SEMA5A: variants seen among roughly 807,000 people sequenced by gnomAD.
SEMA5A encodes semaphorin-5A.
Under a neutral mutation model 135.5 loss-of-function variants are expected in SEMA5A, and 55 were observed. The observed-to-expected ratio is 0.41, with a 90% CI of 0.33 to 0.51. The LOEUF (loss-of-function observed/expected upper bound fraction) is 0.51, where lower values mean the gene tolerates loss of function less well. Among genes scored for constraint, SEMA5A ranks in the 20% least tolerant of loss-of-function variants. The probability of loss-of-function intolerance (pLI) is 0.37; values close to 1 mark genes in which losing one functional copy is unlikely to be tolerated. For missense variants in SEMA5A, 1,290 were observed against 1,419.9 expected, an observed-to-expected ratio of 0.91 and a Z score of 1.47; for synonymous variants, 580 against 546.5, an observed-to-expected ratio of 1.06 and a Z score of -0.85.
Position 9,122,759 on chromosome 5 carries a change from C to A in SEMA5A, c.1678G>T (p.Val560Leu). ...TPCTHTDGSA[V>L]GSCLCRTRSC... is the part of the protein sequence containing the mutation. ...CGGGTTCGACAGAGGCAGGATCCCA[C>A]GGCGCTGCCATCTGTGTGCGTGCAA... is the stretch of plus-strand genomic sequence containing the variant. The change falls in exon 14 of 23, where the codon GTG (valine) becomes TTG (leucine). Residue 560 changes from valine to leucine, a missense_variant. Transcript: ENST00000382496. 1.2e-6 allele frequency: 2 copies of A among 1,613,598 alleles called. No homozygotes were observed. Among genetic ancestry groups the A allele is most frequent in the Non-Finnish European group, 1.7e-6 (2 of 1,179,882 alleles).
intron 11 of SEMA5A, among the ~76,000 whole-genome samples, chr5:9,170,522 C>G (rs953786202): frequency 6.6e-6 from 1 of 152,038 alleles, no homozygotes; most frequent in Admixed American, 6.6e-5. Flanking sequence ...TAAGTCCCAA[C>G]GTGGTCATAT....
At chr5:9,242,475 T>C (rs934084924) in intron 5 of SEMA5A, among the ~76,000 whole-genome samples, 2 of 152,216 alleles carry the variant, frequency 1.3e-5, no homozygotes, top group Non-Finnish European at 2.9e-5. Context: ...TTTCCGTCCA[T>C]GTCAAATACA....
chr5:9,450,239 A>G (rs528431260), intron 1 of SEMA5A, among the ~76,000 whole-genome samples: 166 of 152,318 alleles, frequency 1.1e-3, no homozygotes, highest in African/African-American at 3.8e-3. Context: ...AGTGGGGAGA[A>G]CGAGGCCAAC....
At chr5:9,253,875 T>G (rs1748924983) in intron 5 of SEMA5A, among the ~76,000 whole-genome samples, 2 of 152,134 alleles carry the variant, frequency 1.3e-5, no homozygotes, top group African/African-American at 4.8e-5. Context: ...GCTTCTATAT[T>G]GCCTTTACAT....
At position 9,141,684 on chromosome 5, in the gene SEMA5A, C is replaced by T. The variant is rs140545308; in HGVS notation, c.1482-5063G>A. Among the ~76,000 whole-genome samples the T allele has an allele frequency of 3.5e-4, 53 of 152,278 alleles. No individual in the cohort carries two copies. In the Middle Eastern group the frequency reaches 0.014, roughly 39 times the overall value. On this transcript the variant is annotated intron_variant, in intron 12 of 22. Transcript: ENST00000382496. Reference sequence around the variant, plus strand: ...CCTTTCCACATGACAATAACATCAACATATATCTAAAGTATTTCTTTACAT... The same window carrying T: ...CCTTTCCACATGACAATAACATCAATATATATCTAAAGTATTTCTTTACAT...
At position 9,189,826 on chromosome 5, in the gene SEMA5A, C is replaced by T. The variant is rs571266097; in HGVS notation, c.1273+441G>A. Among the ~76,000 whole-genome samples the T allele has an allele frequency of 3.3e-5, 5 of 152,340 alleles. No homozygotes were observed. The East Asian group carries it at 9.6e-4, about 29-fold the overall frequency. On this transcript the variant is annotated intron_variant, in intron 11 of 22. Transcript: ENST00000382496. ...TATGCCCCAAAACATATTCTTTGAACACTGCCATGTACCACCATCCACGCA... is the reference window on the plus strand; with the variant it reads ...TATGCCCCAAAACATATTCTTTGAATACTGCCATGTACCACCATCCACGCA...
At chr5:9,511,386 T>G (rs948932142) in intron 1 of SEMA5A, 8 of 152,348 alleles carry the variant, frequency 5.3e-5, no homozygotes, top group African/African-American at 1.9e-4. Flanking sequence ...CAGAGCCTTA[T>G]GTTTTCATCT....
intron 9 of SEMA5A, among the ~76,000 whole-genome samples, chr5:9,197,792 C>T (rs1440376372): frequency 1.4e-5 from 1 of 73,138 alleles, no homozygotes; most frequent in African/African-American, 4.5e-5. Context: ...GTGTTTTAAC[C>T]CAGATATTTG....
chr5:9,294,580 A>C (rs1579295640), intron 5 of SEMA5A, among the ~76,000 whole-genome samples: 1 of 152,280 alleles, frequency 6.6e-6, no homozygotes, highest in African/African-American at 2.4e-5. Flanking sequence ...ACCTTGACGA[A>C]AACTCTCCCT....
intron 1 of SEMA5A, among the ~76,000 whole-genome samples, chr5:9,497,629 G>A (rs1237684778): frequency 6.6e-6 from 1 of 152,182 alleles, no homozygotes; most frequent in African/African-American, 2.4e-5. Flanking sequence ...GATGGTGACA[G>A]TTAATCTTCA....
rs191551778 is a variant in SEMA5A, at chr5:9,040,912, T to C, written c.*1985A>G. 1.1e-4 allele frequency: 17 copies of C among 152,322 alleles called. No homozygotes were observed. In the East Asian group the frequency reaches 3.3e-3, roughly 29 times the overall value. The allele number at this position is 152,322 out of a possible 1,614,324, so 9.4% of individuals were successfully genotyped here. A position where few individuals can be genotyped will look rare whatever the true frequency, so the allele number is the denominator to read the frequency against. On this transcript the variant is annotated 3_prime_UTR_variant, in exon 23 of 23. Coordinates refer to ENST00000382496, the MANE Select transcript of SEMA5A (RefSeq NM_003966.3). The stretch of plus-strand genomic sequence containing the variant: ...ATGTTTTTTTCTTACAAGAAACTGA[T>C]GAGATGAGTTGAAATATCTGATGAT...
intron 3 of SEMA5A, among the ~76,000 whole-genome samples, chr5:9,341,530 C>T (rs1464747074): frequency 7.2e-5 from 11 of 151,804 alleles, no homozygotes; most frequent in Non-Finnish European, 4.4e-5. Flanking sequence ...TTTTCAATAA[C>T]ATTAAGATGC....
chr5:9,066,679 C>T (rs781085261), intron 16 of SEMA5A, 33 bp from the exon 17 acceptor site: 36 of 1,598,610 alleles, frequency 2.3e-5, no homozygotes, highest in Non-Finnish European at 2.7e-5. Flanking sequence ...TGTTACTATA[C>T]GGGGTAAACA....
chr5:9,051,030 A>G (rs757275507), intron 20 of SEMA5A, among the ~76,000 whole-genome samples: 1 of 152,256 alleles, frequency 6.6e-6, no homozygotes, highest in Admixed American at 6.5e-5. Context: ...ATCACTCGGT[A>G]GTCTAGAAAC....
At chr5:9,453,499 G>A (rs907279181) in intron 1 of SEMA5A, among the ~76,000 whole-genome samples, 2 of 152,204 alleles carry the variant, frequency 1.3e-5, no homozygotes, top group African/African-American at 4.8e-5. Context: ...CAGGAAGGCT[G>A]TGATGTGCCC....
At chr5:9,355,038 A>G (rs1009516363) in intron 3 of SEMA5A, among the ~76,000 whole-genome samples, 8 of 152,192 alleles carry the variant, frequency 5.3e-5, no homozygotes, top group Non-Finnish European at 8.8e-5. Context: ...TTTGGATTTT[A>G]TTCTATGGGA....
At position 9,236,519 on chromosome 5, in the gene SEMA5A, A is replaced by G. The variant is rs373788284; in HGVS notation, c.333+1309T>C. Among the ~76,000 whole-genome samples, 3 of 152,332 alleles carry G rather than the reference A, an allele frequency of 2.0e-5. No individual in the cohort carries two copies. In the South Asian group the frequency reaches 6.2e-4, roughly 32 times the overall value. On this transcript the variant is annotated intron_variant, in intron 6 of 22. Transcript: ENST00000382496. The stretch of plus-strand genomic sequence containing the variant: ...TAGAAATCACCTCTTCAAAAGTCCT[A>G]TACATCATTTCTACAAACTCAACAA...
At chr5:9,505,761 T>A (rs1409913029) in intron 1 of SEMA5A, among the ~76,000 whole-genome samples, 1 of 152,228 alleles carries the variant, frequency 6.6e-6, no homozygotes, top group African/African-American at 2.4e-5. Context: ...GATTTATTTC[T>A]AACTGCTGCT....
In SEMA5A at chr5:9,353,100, A is replaced by AAGGAAAGGAAAGGAAAGGAAAG. The variant is rs199741424; in HGVS notation, c.125-15289_125-15288insCTTTCCTTTCCTTTCCTTTCCT. On this transcript the variant is annotated intron_variant, in intron 3 of 22. Transcript: ENST00000382496. ...AAAGGAAAGGAAAGGAAAGGAAGGA[A>AAGGAAAGGAAAGGAAAGGAAAG]GGAAAGGAAAGGAAAGGAAAGGAAA... Among the ~76,000 whole-genome samples, 129 of 14,022 alleles carry AAGGAAAGGAAAGGAAAGGAAAG rather than the reference A, an allele frequency of 9.2e-3. 13 individuals are homozygous for AAGGAAAGGAAAGGAAAGGAAAG. Among genetic ancestry groups the AAGGAAAGGAAAGGAAAGGAAAG allele is most frequent in the Non-Finnish European group, 0.015 (98 of 6,562 alleles). 9.2% of individuals were successfully genotyped at this position (14,022 alleles called of 152,430 possible).
Sources: gnomAD v4.1 joint callset for allele counts (sites outside exome capture counted in the v4.1 genomes callset) on GRCh38, gnomAD v4.1.1 for gene constraint, MANE v1.5 for transcripts, NCBI Gene and HGNC (gene_info 2026-07-23, HGNC 2026-07-21) for gene names.